SH3RF3: variants seen among roughly 807,000 people sequenced by gnomAD.
SH3RF3 encodes E3 ubiquitin-protein ligase SH3RF3.
In SH3RF3, 29 loss-of-function variants were observed where a neutral mutation model predicts 66.3. The observed-to-expected ratio is 0.44, with a 90% CI of 0.33 to 0.60. SH3RF3 has a LOEUF of 0.60. SH3RF3 is among the 20% of genes least tolerant of loss of function. SH3RF3 has a pLI of 0.04. For synonymous variants in SH3RF3, 583 were observed against 532.0 expected, an observed-to-expected ratio of 1.10 and a Z score of -1.32; for missense variants, 1,194 against 1,190.9, an observed-to-expected ratio of 1.00 and a Z score of -0.04.
intron 2 of SH3RF3, among the ~76,000 whole-genome samples, chr2:109,351,469 ACT>A (rs1682835807): frequency 6.6e-6 from 1 of 152,174 alleles, no homozygotes; most frequent in African/African-American, 2.4e-5. Context: ...TGAGCAGCTA[ACT>A]CTATATTGTC....
chr2:109,277,605 C>T (rs759139889), intron 1 of SH3RF3, among the ~76,000 whole-genome samples: 22 of 152,294 alleles, frequency 1.4e-4, no homozygotes, highest in Non-Finnish European at 2.9e-4. Context: ...TGCACTCCTC[C>T]GCGTGCGTAG....
intron 7 of SH3RF3, among the ~76,000 whole-genome samples, chr2:109,440,311 G>C (rs10172271): frequency 1.3e-5 from 2 of 152,140 alleles, no homozygotes; most frequent in African/African-American, 4.8e-5. Context: ...CTCTTGGGCC[G>C]CCGAGGCCAG....
chr2:109,225,162 G>T (rs933494691), intron 1 of SH3RF3, among the ~76,000 whole-genome samples: 7 of 152,130 alleles, frequency 4.6e-5, no homozygotes, highest in Admixed American at 1.3e-4. Flanking sequence ...GTAAAATGAG[G>T]TTCTATGGCT....
chr2:109,440,030 G>T (rs1353279828), intron 7 of SH3RF3, among the ~76,000 whole-genome samples: 1 of 152,218 alleles, frequency 6.6e-6, no homozygotes, highest in African/African-American at 2.4e-5. Context: ...AATAGGAAGT[G>T]TCTGAGCAGA....
At chr2:109,256,847 G>A (rs72937594) in intron 1 of SH3RF3, among the ~76,000 whole-genome samples, 2,853 of 152,256 alleles carry the variant, frequency 0.019, 96 homozygotes, top group African/African-American at 0.065. Flanking sequence ...GGTGTCCCTT[G>A]TCTTCCATTG....
In SH3RF3 at chr2:109,251,528, C is replaced by T. The variant is rs368027042; in HGVS notation, c.574-96146C>T. Reference sequence around the variant, plus strand: ...CAAGGAATATTGTGGTCATTTGGTCCCTTTATGAATCTTGTGATAGATGAA... The same window carrying T: ...CAAGGAATATTGTGGTCATTTGGTCTCTTTATGAATCTTGTGATAGATGAA... On this transcript the variant is annotated intron_variant, in intron 1 of 9. Coordinates refer to ENST00000309415, the MANE Select transcript of SH3RF3 (RefSeq NM_001099289.3). The T allele has an allele frequency of 1.6e-4, 123 of 750,440 alleles. No individual in the cohort carries two copies. In the East Asian group the frequency reaches 2.9e-3, roughly 18 times the overall value. 46.5% of individuals were successfully genotyped at this position (750,440 alleles called of 1,614,324 possible).
intron 1 of SH3RF3, among the ~76,000 whole-genome samples, chr2:109,294,898 A>AGAAGC (rs2105376303): frequency 6.6e-6 from 1 of 152,330 alleles, no homozygotes; most frequent in South Asian, 2.1e-4. Context: ...TAGTGAGGAG[A>AGAAGC]GAAGCAGGGA....
chr2:109,432,690 CA>C lies in SH3RF3; in HGVS notation c.1574+20del. 3.1e-6 allele frequency: 5 copies of C among 1,602,958 alleles called. No individual in the cohort carries two copies. The highest frequency in any genetic ancestry group is 3.4e-6 in the Non-Finnish European group (4 of 1,174,810). ...TTTCCAGGTGAGGGCATGGTGGTGG[CA>C]GCCTGGGCAAGGAGAGGGCAAGGGC... On this transcript the variant is annotated intron_variant, in intron 6 of 9. Coordinates refer to ENST00000309415, the MANE Select transcript of SH3RF3 (RefSeq NM_001099289.3).
chr2:109,214,475 A>G (rs796279831), intron 1 of SH3RF3, among the ~76,000 whole-genome samples: 5 of 124,376 alleles, frequency 4.0e-5, no homozygotes, highest in South Asian at 2.6e-4. Context: ...AGAAAAGAGA[A>G]AAAAAAAAAA....
At chr2:109,433,115 G>C (rs780388957) in intron 6 of SH3RF3, among the ~76,000 whole-genome samples, 1 of 152,230 alleles carries the variant, frequency 6.6e-6, no homozygotes, top group African/African-American at 2.4e-5. Context: ...GCCTGTGCAC[G>C]TGCGTATGCA....
intron 3 of SH3RF3, among the ~76,000 whole-genome samples, chr2:109,396,401 C>T (rs772205917): frequency 7.9e-5 from 12 of 152,154 alleles, no homozygotes; most frequent in African/African-American, 2.9e-4. Flanking sequence ...GGCAGATATT[C>T]GTAGTGGAAA....
chr2:109,350,533 C>T lies in SH3RF3; in HGVS notation c.849+2584C>T, dbSNP rs192415389. Among the ~76,000 whole-genome samples the T allele has an allele frequency of 3.0e-4, 45 of 152,336 alleles. No individual in the cohort carries two copies. In the East Asian group the frequency reaches 4.4e-3, roughly 15 times the overall value. ...CCCTCTGACCCCCAAAGGGCGAGGT[C>T]GGGCAGAGATTGGCCACCCCTGCTA... is the stretch of plus-strand genomic sequence containing the variant. On this transcript the variant is annotated intron_variant, in intron 2 of 9. Coordinates refer to ENST00000309415, the MANE Select transcript of SH3RF3 (RefSeq NM_001099289.3).
intron 1 of SH3RF3, among the ~76,000 whole-genome samples, chr2:109,231,045 C>G (rs958634487): frequency 6.6e-6 from 1 of 152,236 alleles, no homozygotes; most frequent in Admixed American, 6.5e-5. Context: ...TCAGCACGGA[C>G]AGAGCAGCAG....
In SH3RF3 at chr2:109,230,071, G is replaced by A. The variant is rs1213032380; in HGVS notation, c.573+99958G>A. ...GATCTCTTGACTTCGTGATCCGCCCGCCTCAGCCTCCCAAAGTGCTGGGAT... is the reference window on the plus strand; with the variant it reads ...GATCTCTTGACTTCGTGATCCGCCCACCTCAGCCTCCCAAAGTGCTGGGAT... On this transcript the variant is annotated intron_variant, in intron 1 of 9. Transcript: ENST00000309415. 1.1e-3 allele frequency among the ~76,000 whole-genome samples: 170 copies of A among 151,924 alleles called. 2 individuals are homozygous for A. Among genetic ancestry groups the A allele is most frequent in the Non-Finnish European group, 1.8e-4 (12 of 67,926 alleles).
At chr2:109,161,457 A>AG (rs1558933310) in intron 1 of SH3RF3, among the ~76,000 whole-genome samples, 3 of 152,002 alleles carry the variant, frequency 2.0e-5, no homozygotes, top group Admixed American at 1.3e-4. Context: ...CTTCCCCTGT[A>AG]CACCCTCCCT....
At chr2:109,354,021 G>T (rs906877362) in intron 2 of SH3RF3, among the ~76,000 whole-genome samples, 22 of 152,196 alleles carry the variant, frequency 1.4e-4, no homozygotes, top group African/African-American at 5.3e-4. Context: ...AAGATGCAGG[G>T]CCAGCCCGCT....
chr2:109,324,959 A>C (rs1053198521), intron 1 of SH3RF3, among the ~76,000 whole-genome samples: 1 of 152,204 alleles, frequency 6.6e-6, no homozygotes, highest in Non-Finnish European at 1.5e-5. Context: ...AGTATAGACA[A>C]ATACAATCAC....
chr2:109,217,951 C>G (rs573743025), intron 1 of SH3RF3, among the ~76,000 whole-genome samples: 12 of 152,284 alleles, frequency 7.9e-5, no homozygotes, highest in South Asian at 4.2e-4. Context: ...ACCTTTCCCT[C>G]GAGGGCTCTG....
chr2:109,144,482 G>A (rs546953654), intron 1 of SH3RF3, among the ~76,000 whole-genome samples: 1 of 152,310 alleles, frequency 6.6e-6, no homozygotes, highest in South Asian at 2.1e-4. Context: ...GAAGGCTCAC[G>A]CCCAGCTGTG....
Sources: gnomAD v4.1 joint callset for allele counts (sites outside exome capture counted in the v4.1 genomes callset) on GRCh38, gnomAD v4.1.1 for gene constraint, MANE v1.5 for transcripts, NCBI Gene and HGNC (gene_info 2026-07-23, HGNC 2026-07-21) for gene names.